The following AP3B1 variants were observed in gnomAD, a reference collection of about 807,000 sequenced individuals.
The protein encoded by AP3B1 is adaptor related protein complex 3 subunit beta 1.
A neutral mutation model predicts 132.5 loss-of-function variants in AP3B1; 61 were observed. The ratio of observed to expected loss-of-function variants is 0.46; its 90% confidence interval spans 0.37 to 0.57. The LOEUF (loss-of-function observed/expected upper bound fraction) is 0.57, where lower values mean the gene tolerates loss of function less well. AP3B1 is among the 20% of genes least tolerant of loss of function. AP3B1 has a pLI of 0.00. For missense variants in AP3B1, 1,120 were observed against 1,289.4 expected (o/e 0.87, Z 2.01); for synonymous variants, 388 against 438.3 (o/e 0.89, Z 1.43).
chr5:78,214,077 A>T (rs1413592483), intron 7 of AP3B1, among the ~76,000 whole-genome samples: 1 of 152,204 alleles, frequency 6.6e-6, no homozygotes, highest in Non-Finnish European at 1.5e-5. Context: ...AAAACCACTA[A>T]ATTAGTCTAA....
intron 13 of AP3B1, among the ~76,000 whole-genome samples, chr5:78,156,908 A>T (rs536974862): frequency 7.2e-5 from 11 of 152,296 alleles, no homozygotes; most frequent in African/African-American, 2.6e-4. Flanking sequence ...AGCCGGAAAG[A>T]ATGGGATTGT....
At position 78,129,198 on chromosome 5, in the gene AP3B1, C is replaced by A. The variant is rs770294708; in HGVS notation, c.1760G>T (p.Ser587Ile). 6.2e-7 allele frequency: 1 copy of A among 1,613,288 alleles called. No homozygotes were observed. Among genetic ancestry groups the A allele is most frequent in the Admixed American group, 1.7e-5 (1 of 59,980 alleles). ...TTTGGCATATTTACTTAAAGCTCCA[C>A]TCTTTACATTCGGAACAATAAGCTG... ...IRQLIVPNVK[S>I]GALSKYAKKI... Residue 587 changes from serine to isoleucine, a missense_variant, in exon 16 of 27, where the codon AGT (serine) becomes ATT (isoleucine). Coordinates refer to ENST00000255194, the MANE Select transcript of AP3B1 (RefSeq NM_003664.5).
At chr5:78,137,285 G>T (rs1267001577) in intron 15 of AP3B1, among the ~76,000 whole-genome samples, 1 of 152,114 alleles carries the variant, frequency 6.6e-6, no homozygotes, top group Non-Finnish European at 1.5e-5. Context: ...TCAAATTTCA[G>T]CTTGGTTCTT....
chr5:78,185,896 A>C (rs1348740272), intron 7 of AP3B1, among the ~76,000 whole-genome samples: 1 of 152,148 alleles, frequency 6.6e-6, no homozygotes, highest in Non-Finnish European at 1.5e-5. Context: ...AATAGGTTTT[A>C]ATTAATAAAA....
At chr5:78,232,582 A>G (rs187190722) in intron 3 of AP3B1, among the ~76,000 whole-genome samples, 58 of 152,376 alleles carry the variant, frequency 3.8e-4, no homozygotes, top group Admixed American at 3.8e-3. Context: ...TAAAAAGCAC[A>G]GTTGTCCCTT....
At chr5:78,190,113 T>C (rs996956255) in intron 7 of AP3B1, among the ~76,000 whole-genome samples, 1 of 152,040 alleles carries the variant, frequency 6.6e-6, no homozygotes, top group Non-Finnish European at 1.5e-5. Context: ...AAAGGGATTA[T>C]TTGAAATAAC....
chr5:78,103,225 C>T lies in AP3B1; in HGVS notation c.2398-2200G>A, dbSNP rs572100110. Among the ~76,000 whole-genome samples, 26 of 152,180 alleles carry T rather than the reference C, an allele frequency of 1.7e-4. 1 individual carries two copies. Among genetic ancestry groups the T allele is most frequent in the Admixed American group, 5.9e-4 (9 of 15,290 alleles). ...TAAAAATAAAATTCTGAATTCTAAA[C>T]GAAGAAGTTAAGAGCTCTATTCCAT... On this transcript the variant is annotated intron_variant, in intron 20 of 26. Coordinates refer to ENST00000255194, the MANE Select transcript of AP3B1 (RefSeq NM_003664.5).
At chr5:78,126,574 T>C (rs1394335775) in intron 17 of AP3B1, among the ~76,000 whole-genome samples, 1 of 135,364 alleles carries the variant, frequency 7.4e-6, no homozygotes, top group Non-Finnish European at 1.6e-5. Flanking sequence ...TACTTAAGAG[T>C]ATGCAGATTT....
At chr5:78,281,753 G>A (rs1175001708) in intron 1 of AP3B1, among the ~76,000 whole-genome samples, 1 of 152,004 alleles carries the variant, frequency 6.6e-6, no homozygotes, top group African/African-American at 2.4e-5. Flanking sequence ...GAGAAAATAG[G>A]GATTTATTTA....
At position 78,240,466 on chromosome 5, in the gene AP3B1, G is replaced by T. The variant is rs183463080; in HGVS notation, c.279+396C>A. 4.6e-5 allele frequency among the ~76,000 whole-genome samples: 7 copies of T among 152,098 alleles called. No individual in the cohort carries two copies. The East Asian group carries it at 1.2e-3, about 25-fold the overall frequency. Reference sequence around the variant, plus strand: ...CTGAGAAACTTGGGAAATATTCTTGGGCTCAGTCCTAGAAATCCCAAAAAG... The same window carrying T: ...CTGAGAAACTTGGGAAATATTCTTGTGCTCAGTCCTAGAAATCCCAAAAAG... On this transcript the variant is annotated intron_variant, in intron 3 of 26. Transcript: ENST00000255194.
intron 1 of AP3B1, among the ~76,000 whole-genome samples, chr5:78,270,636 A>G (rs1338468409): frequency 1.3e-5 from 2 of 152,232 alleles, no homozygotes; most frequent in African/African-American, 4.8e-5. Flanking sequence ...GGATATGCAG[A>G]AAAAACGCTG....
chr5:78,239,095 C>A (rs1168284623), intron 3 of AP3B1, among the ~76,000 whole-genome samples: 1 of 151,704 alleles, frequency 6.6e-6, no homozygotes, highest in African/African-American at 2.4e-5. Flanking sequence ...GTCAATTCAT[C>A]AGGAAAACCC....
chr5:78,005,872 A>G (rs1488834138), intron 26 of AP3B1, among the ~76,000 whole-genome samples: 1 of 152,208 alleles, frequency 6.6e-6, no homozygotes, highest in African/African-American at 2.4e-5. Flanking sequence ...AAAAATAGTT[A>G]TGGAAAGAGT....
rs869312837 is a variant in AP3B1 at position 78,216,125 on chromosome 5, C to G, written c.716G>C (p.Trp239Ser). Residue 239 changes from tryptophan to serine, a missense_variant, in exon 7 of 27, where the codon TGG (tryptophan) becomes TCG (serine). By Grantham distance (177) the Trp-to-Ser change is radical. Coordinates refer to ENST00000255194, the MANE Select transcript of AP3B1 (RefSeq NM_003664.5). ...LCNLLVDVEEWGQVVIIHMLT... is the reference protein window; with the variant it reads ...LCNLLVDVEESGQVVIIHMLT... The stretch of plus-strand genomic sequence containing the variant: ...CATGTGGATTATGACAACCTGCCCC[C>G]ACTCTTCAACATCCACTAGTAAGTT... The G allele has an allele frequency of 6.2e-7, 1 of 1,613,956 alleles. No homozygotes were observed. Among genetic ancestry groups the G allele is most frequent in the African/African-American group, 1.3e-5 (1 of 74,924 alleles).
chr5:78,203,196 C>T (rs1177821220), intron 7 of AP3B1, among the ~76,000 whole-genome samples: 1 of 151,968 alleles, frequency 6.6e-6, no homozygotes, highest in Non-Finnish European at 1.5e-5. Flanking sequence ...TCTTTATGTG[C>T]TGTATTAGTC....
intron 17 of AP3B1, among the ~76,000 whole-genome samples, chr5:78,123,597 A>G (rs1341499514): frequency 2.0e-5 from 3 of 152,236 alleles, no homozygotes; most frequent in Non-Finnish European, 4.4e-5. Flanking sequence ...ACATGAAAAA[A>G]TGCTCGTCAT....
chr5:78,294,673 A>G lies in AP3B1; in HGVS notation c.-94T>C. 6.3e-7 allele frequency: 1 copy of G among 1,592,028 alleles called. No homozygotes were observed. The highest frequency in any genetic ancestry group is 8.5e-7 in the Non-Finnish European group (1 of 1,169,760). ...GGCACGGAACAAAACTAGTTCTCGTACGGAGGAGCGCGCGCAGGCGCTTCC... is the reference window on the plus strand; with the variant it reads ...GGCACGGAACAAAACTAGTTCTCGTGCGGAGGAGCGCGCGCAGGCGCTTCC... On this transcript the variant is annotated 5_prime_UTR_variant, in exon 1 of 27. Transcript: ENST00000255194.
chr5:78,191,304 G>A (rs115296324), intron 7 of AP3B1, among the ~76,000 whole-genome samples: 1,509 of 130,292 alleles, frequency 0.012, 13 homozygotes, highest in Middle Eastern at 0.014. Flanking sequence ...AGAAGAAGTA[G>A]TAAATCTAGA....
chr5:78,208,348 C>T (rs760268381), intron 7 of AP3B1, among the ~76,000 whole-genome samples: 10 of 152,118 alleles, frequency 6.6e-5, no homozygotes, highest in Non-Finnish European at 1.3e-4. Context: ...AGTTAGGTAG[C>T]TCCATAAAAT....
Sources: allele counts gnomAD v4.1 joint callset (sites outside exome capture counted in the v4.1 genomes callset), GRCh38; gene constraint gnomAD v4.1.1; transcripts MANE v1.5; gene names NCBI Gene and HGNC (gene_info 2026-07-23, HGNC 2026-07-21).